CREB5: variants seen among roughly 807,000 people sequenced by gnomAD.
CREB5 encodes cAMP responsive element binding protein 5, also known as cyclic AMP-responsive element-binding protein 5.
A neutral mutation model predicts 57.1 loss-of-function variants in CREB5; 19 were observed. The observed-to-expected ratio is 0.33, with a 90% CI of 0.23 to 0.49. The LOEUF (loss-of-function observed/expected upper bound fraction) is 0.49. Ranked by LOEUF, CREB5 falls within the 20% of genes least tolerant of loss-of-function variation. CREB5 has a pLI of 0.99. For synonymous variants in CREB5, 238 were observed against 238.3 expected, an observed-to-expected ratio of 1.00 and a Z score of 0.01; for missense variants, 579 against 671.6, an observed-to-expected ratio of 0.86 and a Z score of 1.52.
intron 5 of CREB5, among the ~76,000 whole-genome samples, chr7:28,708,332 C>A (rs1467214039): frequency 2.0e-5 from 3 of 152,186 alleles, no homozygotes; most frequent in Non-Finnish European, 4.4e-5. Context: ...CTCTGGGCCA[C>A]CGACACATCC....
intron 1 of CREB5, among the ~76,000 whole-genome samples, chr7:28,332,734 T>C (rs151106968): frequency 9.8e-5 from 15 of 152,326 alleles, no homozygotes; most frequent in Non-Finnish European, 1.5e-4. Context: ...TTTTCTGTAG[T>C]CTGCTTTTTT....
intron 7 of CREB5, among the ~76,000 whole-genome samples, chr7:28,756,111 C>CG (rs1562619617): frequency 6.6e-6 from 1 of 152,114 alleles, no homozygotes; most frequent in Non-Finnish European, 1.5e-5. Flanking sequence ...CCTCCTACCT[C>CG]GGGGGATTTA....
intron 1 of CREB5, among the ~76,000 whole-genome samples, chr7:28,465,631 C>T (rs928586895): frequency 6.6e-6 from 1 of 152,142 alleles, no homozygotes; most frequent in Non-Finnish European, 1.5e-5. Context: ...TTTACTTTCC[C>T]TCTCTAAGTC....
intron 7 of CREB5, among the ~76,000 whole-genome samples, chr7:28,749,821 C>T (rs1395269467): frequency 1.3e-4 from 20 of 151,974 alleles, no homozygotes; most frequent in Admixed American, 1.3e-3. Flanking sequence ...AATGCAGTTG[C>T]CAGATTTTTA....
intron 1 of CREB5, among the ~76,000 whole-genome samples, chr7:28,385,214 T>C (rs547288701): frequency 4.6e-5 from 7 of 152,340 alleles, no homozygotes; most frequent in African/African-American, 1.7e-4. Context: ...TGATGTCCTC[T>C]GAAAACAGTT....
rs1387628742 is a variant in CREB5, at chr7:28,346,223, T to G, written c.-25+46782T>G. Among the ~76,000 whole-genome samples the G allele has an allele frequency of 2.6e-5, 4 of 152,182 alleles. No individual in the cohort carries two copies. The East Asian group carries it at 7.7e-4, about 29-fold the overall frequency. Reference sequence around the variant, plus strand: ...GGTTGCTAAAACAAACTACCATAATTTGGTTGGCTTATAAACAACAGACAT... The same window carrying G: ...GGTTGCTAAAACAAACTACCATAATGTGGTTGGCTTATAAACAACAGACAT... On this transcript the variant is annotated intron_variant, in intron 1 of 9. Coordinates refer to the CREB5 transcript ENST00000396299.
intron 1 of CREB5, among the ~76,000 whole-genome samples, chr7:28,487,725 C>T (rs542756746): frequency 6.6e-6 from 1 of 152,222 alleles, no homozygotes; most frequent in South Asian, 2.1e-4. Context: ...TCAGGGGTAG[C>T]ATTTTCATAC....
chr7:28,577,754 G>A (rs979047564), intron 5 of CREB5, among the ~76,000 whole-genome samples: 1 of 152,136 alleles, frequency 6.6e-6, no homozygotes, highest in African/African-American at 2.4e-5. Context: ...AATTCTTGAA[G>A]TTCTTTTCAG....
At chr7:28,606,662 A>G (rs1797141654) in intron 5 of CREB5, among the ~76,000 whole-genome samples, 1 of 151,990 alleles carries the variant, frequency 6.6e-6, no homozygotes, top group African/African-American at 2.4e-5. Flanking sequence ...TTTCTTTTTA[A>G]TTGGCTCAGG....
At chr7:28,406,375 C>A (rs1787579780) in intron 1 of CREB5, among the ~76,000 whole-genome samples, 1 of 152,234 alleles carries the variant, frequency 6.6e-6, no homozygotes, top group African/African-American at 2.4e-5. Context: ...TTGGTCACTG[C>A]AGGTGCCAGT....
intron 8 of CREB5, 99 bp from the exon 9 acceptor site, chr7:28,809,088 C>A (rs1296396924): frequency 2.7e-6 from 3 of 1,098,192 alleles, no homozygotes; most frequent in African/African-American, 1.6e-5. Flanking sequence ...AAACGATAGA[C>A]TTTCTGTGCT....
chr7:28,652,717 A>G (rs1048692421), intron 5 of CREB5, among the ~76,000 whole-genome samples: 4 of 152,240 alleles, frequency 2.6e-5, no homozygotes, highest in African/African-American at 9.6e-5. Context: ...TTACATAACT[A>G]TCCTCTTACA....
chr7:28,508,397 T>C (rs1792571244), intron 4 of CREB5, among the ~76,000 whole-genome samples: 2 of 152,238 alleles, frequency 1.3e-5, no homozygotes, highest in Non-Finnish European at 2.9e-5. Context: ...TGGTATTTTG[T>C]TCATTGTTAT....
intron 1 of CREB5, among the ~76,000 whole-genome samples, chr7:28,445,686 G>GGA (rs1187027276): frequency 6.6e-6 from 1 of 152,032 alleles, no homozygotes; most frequent in Non-Finnish European, 1.5e-5. Context: ...CGAGTAGCTG[G>GGA]GACTACAGGC....
intron 7 of CREB5, among the ~76,000 whole-genome samples, chr7:28,752,892 AT>A (rs36000233): frequency 0.035 from 5,004 of 144,080 alleles, 86 homozygotes; most frequent in South Asian, 0.095. Flanking sequence ...TTCTAAAGGG[AT>A]TTTTTTTTTT....
upstream of CREB5, chr7:28,410,341 C>T (rs758999392): frequency 4.4e-6 from 2 of 456,568 alleles, no homozygotes; most frequent in Non-Finnish European, 8.8e-6. Flanking sequence ...AGCTCCGGCT[C>T]GAGCTTTGGC....
intron 5 of CREB5, among the ~76,000 whole-genome samples, chr7:28,624,745 G>A (rs932480034): frequency 5.3e-5 from 8 of 149,752 alleles, no homozygotes; most frequent in Non-Finnish European, 8.8e-5. Context: ...GAGTTTACTC[G>A]CTGAACTTCT....
chr7:28,692,186 C>CAA (rs60979497), intron 5 of CREB5, among the ~76,000 whole-genome samples: 78,386 of 145,408 alleles, frequency 0.54, 21,752 homozygotes, highest in African/African-American at 0.62. Context: ...ACTCCGTCTC[C>CAA]AAAAAAAAAA....
chr7:28,594,695 G>T (rs750439072), intron 5 of CREB5, among the ~76,000 whole-genome samples: 1 of 152,116 alleles, frequency 6.6e-6, no homozygotes, highest in Non-Finnish European at 1.5e-5. Context: ...ATAGAATGCT[G>T]ATTAAATTAA....
Sources: allele counts gnomAD v4.1 joint callset (sites outside exome capture counted in the v4.1 genomes callset), GRCh38; gene constraint gnomAD v4.1.1; transcripts MANE v1.5; gene names NCBI Gene and HGNC (gene_info 2026-07-23, HGNC 2026-07-21).